Variants in CACNA2D4 observed in about 807,000 individuals in gnomAD.
The protein encoded by CACNA2D4 is voltage-dependent calcium channel subunit alpha-2/delta-4.
Under a neutral mutation model 163.8 loss-of-function variants are expected in CACNA2D4, and 157 were observed. That is an observed-to-expected ratio of 0.96 (90% CI 0.84 to 1.09). The LOEUF is 1.09. CACNA2D4 is among the 50% of genes least tolerant of loss of function. CACNA2D4 has a pLI of 0.00. For missense variants in CACNA2D4, 1,410 were observed against 1,479.9 expected, an observed-to-expected ratio of 0.95 and a Z score of 0.78; for synonymous variants, 598 against 586.9, an observed-to-expected ratio of 1.02 and a Z score of -0.27.
rs771688057 is a variant in CACNA2D4, at chr12:1,917,868, G to C, written c.227+379C>G. ...CCTGCCAAATGCTTCGGGGAGCTGC[G>C]ATGCTGAGATAACCCGGCTCCTCCA... On this transcript the variant is annotated intron_variant, in intron 1 of 37. Coordinates refer to ENST00000382722, the MANE Select transcript of CACNA2D4 (RefSeq NM_172364.5). The surrounding 1 kb of genome is among the most constrained non-coding windows in gnomAD (Gnocchi z 4.3). The C allele has an allele frequency of 9.4e-6, 2 of 212,192 alleles. No individual in the cohort carries two copies. Among genetic ancestry groups the C allele is most frequent in the Non-Finnish European group, 1.9e-5 (2 of 107,492 alleles). The allele number at this position is 212,192 out of a possible 1,614,324, so 13.1% of individuals were successfully genotyped here.
At chr12:1,864,657 A>G (rs1865602153) in intron 18 of CACNA2D4, among the ~76,000 whole-genome samples, 1 of 152,088 alleles carries the variant, frequency 6.6e-6, no homozygotes, top group Non-Finnish European at 1.5e-5. Flanking sequence ...GCCGACGGCG[A>G]TGGGGATCGG....
intron 23 of CACNA2D4, among the ~76,000 whole-genome samples, chr12:1,847,977 A>C (rs1865189267): frequency 6.6e-6 from 1 of 152,210 alleles, no homozygotes; most frequent in African/African-American, 2.4e-5. Flanking sequence ...GCTGAATCAG[A>C]ATCTGCCTAA....
intron 34 of CACNA2D4, 193 bp from the exon 35 acceptor site, chr12:1,797,728 GGGTGGCTT>G (rs1346647859): frequency 1.6e-5 from 10 of 619,536 alleles, no homozygotes; most frequent in Non-Finnish European, 2.9e-5. Context: ...TCTCTGGAGA[GGGTGGCTT>G]GGCACGGGGA....
intron 31 of CACNA2D4, 57 bp from the exon 32 acceptor site, chr12:1,800,495 C>CA (rs1565670561): frequency 6.5e-7 from 1 of 1,540,470 alleles, no homozygotes; most frequent in African/African-American, 1.4e-5. Flanking sequence ...AGGGTGCCCC[C>CA]CCCCCACCAC....
At chr12:1,851,497 A>G (rs1865277825) in intron 23 of CACNA2D4, among the ~76,000 whole-genome samples, 2 of 152,172 alleles carry the variant, frequency 1.3e-5, no homozygotes, top group Admixed American at 6.5e-5. Context: ...TTTCACATGC[A>G]TTTAGATGAG....
At chr12:1,860,334 G>A in intron 18 of CACNA2D4, 128 bp from the exon 19 acceptor site, 1 of 697,468 alleles carries the variant, frequency 1.4e-6, no homozygotes, top group Non-Finnish European at 2.6e-6. Flanking sequence ...TCTCCTCCCT[G>A]ACCAGCCCCT....
At chr12:1,911,760 C>G (rs1032861293) in intron 3 of CACNA2D4, among the ~76,000 whole-genome samples, 3 of 152,188 alleles carry the variant, frequency 2.0e-5, no homozygotes, top group African/African-American at 7.2e-5. Context: ...GCTCGCTGCT[C>G]TAGTGACACA....
At chr12:1,863,658 G>A (rs780828693) in intron 18 of CACNA2D4, among the ~76,000 whole-genome samples, 3 of 152,194 alleles carry the variant, frequency 2.0e-5, no homozygotes, top group Middle Eastern at 3.4e-3. Context: ...TTATTCCTAA[G>A]TATTTTATGT....
intron 26 of CACNA2D4, 86 bp downstream of exon 26, chr12:1,840,653 G>C (rs2154447660): frequency 1.8e-6 from 2 of 1,125,978 alleles, no homozygotes; most frequent in East Asian, 4.8e-5. Context: ...CTGGCCACAT[G>C]TGCAGGGCCT....
At chr12:1,900,960 T>C (rs1054028394) in intron 6 of CACNA2D4, among the ~76,000 whole-genome samples, 1 of 152,188 alleles carries the variant, frequency 6.6e-6, no homozygotes, top group African/African-American at 2.4e-5. Context: ...AGAAAATAAG[T>C]CTTAAAACAT....
At chr12:1,817,221 C>A (rs1315109703) in intron 26 of CACNA2D4, among the ~76,000 whole-genome samples, 4 of 152,226 alleles carry the variant, frequency 2.6e-5, no homozygotes, top group Non-Finnish European at 5.9e-5. Flanking sequence ...CAACCCATCT[C>A]CTCATTCTGC....
At chr12:1,800,538 C>T (rs1328356364) in intron 31 of CACNA2D4, 100 bp from the exon 32 acceptor site, 11 of 1,217,882 alleles carry the variant, frequency 9.0e-6, no homozygotes, top group Non-Finnish European at 1.3e-5. Flanking sequence ...AGAGAGTGGG[C>T]TGCCCTGCCA....
At chr12:1,868,991 G>A (rs1421204853) in intron 18 of CACNA2D4, among the ~76,000 whole-genome samples, 1 of 152,154 alleles carries the variant, frequency 6.6e-6, no homozygotes, top group Admixed American at 6.5e-5. Flanking sequence ...TTTAATAGAA[G>A]GGACTGGGGC....
In CACNA2D4 at chr12:1,878,659, C is replaced by T. The variant is rs963607766; in HGVS notation, c.1645-270G>A. On this transcript the variant is annotated intron_variant, in intron 15 of 37. Transcript: ENST00000382722. This position sits in a 1 kb window ranked among gnomAD's most constrained non-coding sequence, Gnocchi z 4.6. ...GTTCTGGGTGCTTTGATGATGTAATCTCACTCACCCTTACAGCAGGACTGT... is the reference window on the plus strand; with the variant it reads ...GTTCTGGGTGCTTTGATGATGTAATTTCACTCACCCTTACAGCAGGACTGT... Among the ~76,000 whole-genome samples the T allele has an allele frequency of 4.6e-5, 7 of 152,222 alleles. No individual in the cohort carries two copies. Among genetic ancestry groups the T allele is most frequent in the African/African-American group, 1.7e-4 (7 of 41,456 alleles).
At chr12:1,856,308 C>T in intron 20 of CACNA2D4, 79 bp from the exon 21 acceptor site, 1 of 1,484,658 alleles carries the variant, frequency 6.7e-7, no homozygotes, top group Non-Finnish European at 9.4e-7. Flanking sequence ...AAACAGCCAC[C>T]CAGTGAGTTT....
Position 1,918,623 on chromosome 12 carries a change from C to A in CACNA2D4, c.-150G>T. The stretch of plus-strand genomic sequence containing the variant: ...TGCAGCTCACAGAAGAGTCGCCCCA[C>A]CTAGCAAGCAGGCCTCGGAGACAGG... On this transcript the variant is annotated 5_prime_UTR_variant, in exon 1 of 38. Coordinates refer to ENST00000382722, the MANE Select transcript of CACNA2D4 (RefSeq NM_172364.5). 1.6e-6 allele frequency: 1 copy of A among 606,292 alleles called. No homozygotes were observed. The highest frequency in any genetic ancestry group is 2.9e-6 in the Non-Finnish European group (1 of 348,448). The allele number at this position is 606,292 out of a possible 1,614,324, so 37.6% of individuals were successfully genotyped here.
At chr12:1,893,527 T>C (rs1387900412) in intron 6 of CACNA2D4, among the ~76,000 whole-genome samples, 1 of 151,910 alleles carries the variant, frequency 6.6e-6, no homozygotes, top group African/African-American at 2.4e-5. Flanking sequence ...CAAAAAAATA[T>C]ATAATAATAA....
At chr12:1,837,883 C>T (rs1049825744) in intron 26 of CACNA2D4, among the ~76,000 whole-genome samples, 11 of 152,310 alleles carry the variant, frequency 7.2e-5, no homozygotes, top group African/African-American at 2.6e-4. Context: ...GTCATGGTTC[C>T]CAGATAGAAG....
Position 1,846,633 on chromosome 12 carries a change from C to T in CACNA2D4, c.2303G>A (p.Arg768Lys), listed in dbSNP as rs746700700. The T allele has an allele frequency of 1.9e-6, 3 of 1,604,716 alleles. No homozygotes were observed. Residue 768 changes from arginine (R) to lysine (K), a missense_variant, in exon 24 of 38, where the codon AGA becomes AAA. Coordinates refer to ENST00000382722, the MANE Select transcript of CACNA2D4 (RefSeq NM_172364.5). ...AFLGTRAGLL[R>K]SSLFVGSEKV... ...CTCGGAGCCCACGAACAAGCTGCTT[C>T]TCAGGAGGCCAGCCCGGGTGCCCAG...
Sources: gnomAD v4.1 joint callset for allele counts (sites outside exome capture counted in the v4.1 genomes callset) on GRCh38, gnomAD v4.1.1 for gene constraint, Gnocchi (gnomAD v3.1) non-coding constraint, MANE v1.5 for transcripts, NCBI Gene and HGNC (gene_info 2026-07-23, HGNC 2026-07-21) for gene names.